The following LMX1B variants were observed in gnomAD, a reference collection of about 807,000 sequenced individuals.
The protein encoded by LMX1B is LIM homeobox transcription factor 1-beta.
LMX1B carries 12 observed loss-of-function variants against 51.4 expected under a neutral mutation model. That is an observed-to-expected ratio of 0.23 (90% CI 0.15 to 0.38). The LOEUF is 0.38. Among genes scored for constraint, LMX1B ranks in the 10% least tolerant of loss-of-function variants. The probability of loss-of-function intolerance (pLI) is 1.00; values close to 1 mark genes in which losing one functional copy is unlikely to be tolerated. For synonymous variants in LMX1B, 237 were observed against 235.4 expected, an observed-to-expected ratio of 1.01 and a Z score of -0.06; for missense variants, 445 against 571.1, an observed-to-expected ratio of 0.78 and a Z score of 2.25.
At chr9:126,678,327 A>C (rs909543082) in intron 2 of LMX1B, among the ~76,000 whole-genome samples, 2 of 109,050 alleles carry the variant, frequency 1.8e-5, no homozygotes, top group Admixed American at 8.1e-5. Flanking sequence ...AAAAACAAAA[A>C]ACAAAAAAAA....
intron 2 of LMX1B, among the ~76,000 whole-genome samples, chr9:126,616,611 C>T (rs1330862909): frequency 2.6e-5 from 4 of 152,156 alleles, no homozygotes; most frequent in African/African-American, 7.2e-5. Flanking sequence ...GGCTGCAGAG[C>T]GGGTAGGCTG....
chr9:126,681,997 C>T (rs1490667498), intron 2 of LMX1B, among the ~76,000 whole-genome samples: 1 of 150,786 alleles, frequency 6.6e-6, no homozygotes, highest in African/African-American at 2.4e-5. Flanking sequence ...GTCCCCTTTG[C>T]CCCCCAGCTC....
chr9:126,636,205 A>G (rs1835710634), intron 2 of LMX1B, among the ~76,000 whole-genome samples: 1 of 152,174 alleles, frequency 6.6e-6, no homozygotes, highest in Non-Finnish European at 1.5e-5. Flanking sequence ...CACAAGGCAG[A>G]CACAGCCCTC....
intron 2 of LMX1B, among the ~76,000 whole-genome samples, chr9:126,652,933 C>G (rs1364563759): frequency 6.6e-6 from 1 of 152,054 alleles, no homozygotes; most frequent in Non-Finnish European, 1.5e-5. Flanking sequence ...GGCCAAGGCA[C>G]GGGCCAGATC....
chr9:126,651,397 C>T (rs1836003900), intron 2 of LMX1B, among the ~76,000 whole-genome samples: 1 of 141,156 alleles, frequency 7.1e-6, no homozygotes, highest in Non-Finnish European at 1.5e-5. Context: ...CTGGCAGGTG[C>T]AAGGGGTGGG....
chr9:126,637,822 T>TGCC (rs1564151130), intron 2 of LMX1B, among the ~76,000 whole-genome samples: 2 of 91,994 alleles, frequency 2.2e-5, no homozygotes, highest in Non-Finnish European at 4.3e-5. Context: ...GTGCCTGTCC[T>TGCC]CCCCCCCCCC....
At chr9:126,633,355 G>A (rs1027225725) in intron 2 of LMX1B, among the ~76,000 whole-genome samples, 3 of 152,222 alleles carry the variant, frequency 2.0e-5, no homozygotes, top group Non-Finnish European at 2.9e-5. Context: ...CACAGGGCCT[G>A]GTACTTGGTA....
chr9:126,627,965 G>T (rs1377526659), intron 2 of LMX1B, among the ~76,000 whole-genome samples: 1 of 152,164 alleles, frequency 6.6e-6, no homozygotes. Flanking sequence ...GGGATGGGAA[G>T]GTTCTTCAAT....
chr9:126,626,240 G>C lies in LMX1B; in HGVS notation c.326+10671G>C, dbSNP rs989973158. Among the ~76,000 whole-genome samples the C allele has an allele frequency of 6.6e-6, 1 of 152,230 alleles. No individual in the cohort carries two copies. Among genetic ancestry groups the C allele is most frequent in the African/African-American group, 2.4e-5 (1 of 41,472 alleles). On this transcript the variant is annotated intron_variant, in intron 2 of 7. Coordinates refer to ENST00000373474, the MANE Select transcript of LMX1B (RefSeq NM_001174147.2). The surrounding 1 kb of genome is among the most constrained non-coding windows in gnomAD (Gnocchi z 4.3). ...CGCCAGAGTGCACGCAGTCTCCTGC[G>C]CGCCGAGCCCAGGCTCCGGGCGCAG...
intron 7 of LMX1B, 68 bp downstream of exon 7, chr9:126,696,071 T>G: frequency 3.2e-6 from 4 of 1,246,188 alleles, no homozygotes; most frequent in Middle Eastern, 3.2e-4. Flanking sequence ...CAGGCAGGCC[T>G]GGGGCCAGGA....
At chr9:126,694,251 G>A (rs28510333) in intron 6 of LMX1B, among the ~76,000 whole-genome samples, 30,866 of 152,030 alleles carry the variant, frequency 0.2, 4,315 homozygotes, top group African/African-American at 0.38. Context: ...ACTGCAAGGG[G>A]GGGTATTGCC....
At chr9:126,648,462 C>T (rs970985590) in intron 2 of LMX1B, among the ~76,000 whole-genome samples, 7 of 152,160 alleles carry the variant, frequency 4.6e-5, no homozygotes, top group African/African-American at 1.7e-4. Context: ...CGGGACCCGG[C>T]TTCAAATCTC....
intron 2 of LMX1B, among the ~76,000 whole-genome samples, chr9:126,650,376 G>A (rs1199541077): frequency 2.0e-5 from 3 of 152,180 alleles, no homozygotes; most frequent in East Asian, 3.9e-4. Context: ...AGCTCTGACC[G>A]GTCAGCTGAG....
rs1042419929 is a variant in LMX1B, at chr9:126,614,444, C to T, written c.-6C>T. 2 of 1,498,548 alleles carry T rather than the reference C, an allele frequency of 1.3e-6. No individual in the cohort carries two copies. The highest frequency in any genetic ancestry group is 2.9e-5 in the African/African-American group (2 of 69,284). 92.8% of individuals were successfully genotyped at this position (1,498,548 alleles called of 1,614,324 possible). A position where few individuals can be genotyped will look rare whatever the true frequency, so the allele number is the denominator to read the frequency against. ...CCGGCGGGGTCCGCAGCGCGCCCCGCGTCCCATGGATATAGCAACAGGTCC... is the reference window on the plus strand; with the variant it reads ...CCGGCGGGGTCCGCAGCGCGCCCCGTGTCCCATGGATATAGCAACAGGTCC... On this transcript the variant is annotated 5_prime_UTR_variant, in exon 1 of 8. Coordinates refer to ENST00000373474, the MANE Select transcript of LMX1B (RefSeq NM_001174147.2).
chr9:126,658,836 C>T lies in LMX1B; in HGVS notation c.327-32000C>T. Among the ~76,000 whole-genome samples the T allele has an allele frequency of 6.6e-6, 1 of 152,200 alleles. No individual in the cohort carries two copies. The highest frequency in any genetic ancestry group is 3.2e-3 in the Middle Eastern group (1 of 316). ...CCGGGGGTTCAAATTCAGAAAGCCC[C>T]CTTGCCTGTATCAGGCCTGGTTTGC... On this transcript the variant is annotated intron_variant, in intron 2 of 7. Transcript: ENST00000373474. The surrounding 1 kb of genome is among the most constrained non-coding windows in gnomAD (Gnocchi z 4.0).
At chr9:126,652,491 C>T (rs1588281873) in intron 2 of LMX1B, among the ~76,000 whole-genome samples, 3 of 152,244 alleles carry the variant, frequency 2.0e-5, no homozygotes, top group Admixed American at 2.0e-4. Context: ...TGTGTCCACA[C>T]GGGAACGTGG....
At chr9:126,614,690 T>C (rs908934937) in intron 1 of LMX1B, 102 bp downstream of exon 1, 63 of 1,260,806 alleles carry the variant, frequency 5.0e-5, no homozygotes, top group Non-Finnish European at 6.4e-5. Flanking sequence ...GGAAATGGGT[T>C]TGCAGGACAT....
chr9:126,642,539 C>G (rs1281972233), intron 2 of LMX1B, among the ~76,000 whole-genome samples: 1 of 152,220 alleles, frequency 6.6e-6, no homozygotes, highest in African/African-American at 2.4e-5. Flanking sequence ...AAGAGCCACC[C>G]CAGGTTGCCT....
intron 2 of LMX1B, among the ~76,000 whole-genome samples, chr9:126,620,435 C>T (rs1054412076): frequency 1.3e-5 from 2 of 152,134 alleles, no homozygotes; most frequent in Non-Finnish European, 2.9e-5. Flanking sequence ...TACACAGGCA[C>T]CTGGTGGAAC....
Sources: allele counts gnomAD v4.1 joint callset (sites outside exome capture counted in the v4.1 genomes callset), GRCh38; gene constraint gnomAD v4.1.1; non-coding constraint Gnocchi (gnomAD v3.1); transcripts MANE v1.5; gene names NCBI Gene and HGNC (gene_info 2026-07-23, HGNC 2026-07-21).